Variants in IL1RAPL1 observed in about 807,000 individuals in gnomAD.
IL1RAPL1 encodes interleukin-1 receptor accessory protein-like 1.
In IL1RAPL1, 3 loss-of-function variants were observed where a neutral mutation model predicts 48.4. The ratio of observed to expected loss-of-function variants is 0.06; its 90% CI spans 0.03 to 0.16. IL1RAPL1 has a LOEUF of 0.16. Among genes scored for constraint, IL1RAPL1 ranks in the 10% least tolerant of loss-of-function variants. The pLI, the probability that IL1RAPL1 is intolerant of heterozygous loss-of-function variation, is 1.00. For synonymous variants in IL1RAPL1, 185 were observed against 187.7 expected (o/e 0.99, Z 0.12); for missense variants, 349 against 530.6 (o/e 0.66, Z 3.36).
intron 5 of IL1RAPL1, among the ~76,000 whole-genome samples, chrX:29,612,990 A>C (rs979242242): frequency 1.3e-4 from 14 of 111,918 alleles, no homozygotes; most frequent in Non-Finnish European, 2.1e-4. Flanking sequence ...TAATTTACTA[A>C]CTGTTAAATT....
chrX:29,026,707 A>T (rs1268953222), intron 2 of IL1RAPL1, among the ~76,000 whole-genome samples: 4 of 112,170 alleles, frequency 3.6e-5, no homozygotes, highest in Non-Finnish European at 5.6e-5. Flanking sequence ...TTTAGGTGAG[A>T]TAATGGCACA....
intron 2 of IL1RAPL1, among the ~76,000 whole-genome samples, chrX:29,041,248 T>C (rs1417518445): frequency 8.9e-6 from 1 of 111,770 alleles, no homozygotes; most frequent in Non-Finnish European, 1.9e-5. Flanking sequence ...AATCTTAATC[T>C]GCTTTCCCTG....
chrX:29,000,827 AACTCTT>A (rs1925833189), intron 2 of IL1RAPL1, among the ~76,000 whole-genome samples: 1 of 98,472 alleles, frequency 1.0e-5, no homozygotes, highest in Middle Eastern at 4.9e-3. Flanking sequence ...AGAGAAGTAT[AACTCTT>A]TTTTTTTTTT....
chrX:28,639,413 A>T (rs1934507588), intron 1 of IL1RAPL1, among the ~76,000 whole-genome samples: 1 of 112,163 alleles, frequency 8.9e-6, no homozygotes, highest in South Asian at 3.7e-4. Flanking sequence ...GGTTAGAAGC[A>T]TTGGCATTTC....
chrX:28,868,254 T>C (rs373494942), intron 2 of IL1RAPL1, among the ~76,000 whole-genome samples: 12 of 111,587 alleles, frequency 1.1e-4, no homozygotes, highest in African/African-American at 3.6e-4. Flanking sequence ...GACAGATCAA[T>C]TTGTGTTGGA....
At chrX:29,267,472 C>T (rs1024620756) in intron 2 of IL1RAPL1, among the ~76,000 whole-genome samples, 10 of 111,907 alleles carry the variant, frequency 8.9e-5, no homozygotes, top group Non-Finnish European at 1.5e-4. Flanking sequence ...CACACATATA[C>T]ACACACAAAC....
chrX:29,142,557 C>T (rs61587906), intron 2 of IL1RAPL1, among the ~76,000 whole-genome samples: 32,152 of 111,177 alleles, frequency 0.29, 4,393 homozygotes, highest in African/African-American at 0.54. Flanking sequence ...ATTGTATCGA[C>T]GTTAATTTCC....
chrX:29,761,624 A>G (rs1928754243), intron 6 of IL1RAPL1, among the ~76,000 whole-genome samples: 1 of 112,135 alleles, frequency 8.9e-6, no homozygotes, highest in Admixed American at 9.5e-5. Flanking sequence ...GTGAGTATTT[A>G]TTAAATCACT....
At chrX:29,353,214 G>A (rs1048571083) in intron 3 of IL1RAPL1, among the ~76,000 whole-genome samples, 2 of 111,717 alleles carry the variant, frequency 1.8e-5, no homozygotes, top group African/African-American at 6.5e-5. Context: ...AGAAACTCAT[G>A]GGTGGAAAGA....
chrX:29,069,483 T>A (rs1194743141), intron 2 of IL1RAPL1, among the ~76,000 whole-genome samples: 1 of 110,988 alleles, frequency 9.0e-6, no homozygotes, highest in Non-Finnish European at 1.9e-5. Flanking sequence ...GAGATTTATA[T>A]GTGACTTTTA....
chrX:29,768,541 TAACAA>T (rs1328681618), intron 6 of IL1RAPL1, among the ~76,000 whole-genome samples: 2 of 111,944 alleles, frequency 1.8e-5, no homozygotes, highest in Admixed American at 1.9e-4. Context: ...TACTGAGGAA[TAACAA>T]AACAACTGGT....
chrX:29,625,788 A>C (rs1471615411), intron 5 of IL1RAPL1, among the ~76,000 whole-genome samples: 1 of 112,219 alleles, frequency 8.9e-6, no homozygotes, highest in East Asian at 2.8e-4. Flanking sequence ...TTGGAAGGCT[A>C]AGATGGTTAT....
intron 2 of IL1RAPL1, among the ~76,000 whole-genome samples, chrX:29,011,841 A>G (rs2147395620): frequency 8.9e-6 from 1 of 112,898 alleles, no homozygotes; most frequent in South Asian, 3.6e-4. Flanking sequence ...AACTAAATAA[A>G]TGCAGAAATT....
chrX:28,995,986 A>T (rs1157403844), intron 2 of IL1RAPL1, among the ~76,000 whole-genome samples: 1 of 111,521 alleles, frequency 9.0e-6, no homozygotes, highest in Admixed American at 9.6e-5. Context: ...GCAAAATTTA[A>T]GATGCAGTGG....
intron 5 of IL1RAPL1, among the ~76,000 whole-genome samples, chrX:29,418,090 AATATATATATATATAT>A (rs1184407912): frequency 4.1e-4 from 21 of 51,045 alleles, no homozygotes; most frequent in Non-Finnish European, 5.1e-4. Flanking sequence ...TTAAAAAAGT[AATATATATATATATAT>A]ATATATATAT....
chrX:28,813,531 A>T (rs1235862995), intron 2 of IL1RAPL1, among the ~76,000 whole-genome samples: 1 of 111,430 alleles, frequency 9.0e-6, no homozygotes, highest in Non-Finnish European at 1.9e-5. Context: ...AGTATTCTAT[A>T]ATGTCAATGA....
chrX:29,802,995 ATG>A (rs1491569721), intron 6 of IL1RAPL1, among the ~76,000 whole-genome samples: 1 of 53,015 alleles, frequency 1.9e-5, no homozygotes, highest in East Asian at 7.0e-4. Context: ...GTACATATAT[ATG>A]TATGCATATA....
chrX:28,771,241 A>G (rs768652052), intron 1 of IL1RAPL1, among the ~76,000 whole-genome samples: 19 of 111,746 alleles, frequency 1.7e-4, no homozygotes, highest in African/African-American at 5.8e-4. Context: ...TGCATTCTCA[A>G]AGTCTTGTAA....
At chrX:29,513,497 A>G (rs984705367) in intron 5 of IL1RAPL1, among the ~76,000 whole-genome samples, 4 of 112,166 alleles carry the variant, frequency 3.6e-5, no homozygotes, top group Non-Finnish European at 7.5e-5. Flanking sequence ...AGATTGTTTT[A>G]AAAATTCCTT....
Sources: gnomAD v4.1 joint callset for allele counts (sites outside exome capture counted in the v4.1 genomes callset) on GRCh38, gnomAD v4.1.1 for gene constraint, MANE v1.5 for transcripts, NCBI Gene and HGNC (gene_info 2026-07-23, HGNC 2026-07-21) for gene names.